Variants in XKR6 observed in about 807,000 individuals in gnomAD.
XKR6 encodes the protein XK-related protein 6.
XKR6 carries 22 observed loss-of-function variants against 56.7 expected under a neutral mutation model. The observed-to-expected ratio is 0.39, with a 90% CI of 0.28 to 0.55. The LOEUF (loss-of-function observed/expected upper bound fraction) is 0.55, where lower values mean the gene tolerates loss of function less well. Among genes scored for constraint, XKR6 ranks in the 20% least tolerant of loss-of-function variants. XKR6 has a pLI of 0.66. For missense variants in XKR6, 852 were observed against 889.0 expected, an observed-to-expected ratio of 0.96 and a Z score of 0.53; for synonymous variants, 524 against 387.8, an observed-to-expected ratio of 1.35 and a Z score of -4.13.
At chr8:11,022,476 A>G (rs1798769689) in intron 1 of XKR6, among the ~76,000 whole-genome samples, 1 of 152,226 alleles carries the variant, frequency 6.6e-6, no homozygotes, top group South Asian at 2.1e-4. Context: ...AGACCACAAA[A>G]TGACCTTATA....
chr8:10,944,199 C>T (rs745986772), intron 1 of XKR6, among the ~76,000 whole-genome samples: 14 of 152,158 alleles, frequency 9.2e-5, no homozygotes, highest in Non-Finnish European at 1.3e-4. Flanking sequence ...TGGTCTCCTT[C>T]GACCAAGAGC....
rs965426152 is a variant in XKR6 at position 11,041,408 on chromosome 8, T to C, written c.765-116578A>G. On this transcript the variant is annotated intron_variant, in intron 1 of 2. Coordinates refer to ENST00000416569, the MANE Select transcript of XKR6 (RefSeq NM_173683.4). ...CCGTCTCTACTAAAAATACAAAAACTAGCTGGGCGTGGTGGTGCGTGCTTG... is the reference window on the plus strand; with the variant it reads ...CCGTCTCTACTAAAAATACAAAAACCAGCTGGGCGTGGTGGTGCGTGCTTG... Among the ~76,000 whole-genome samples the C allele has an allele frequency of 3.3e-5, 5 of 151,964 alleles. No individual in the cohort carries two copies. The East Asian group carries it at 7.7e-4, about 24-fold the overall frequency.
At chr8:10,925,933 C>G (rs1285640443) in intron 1 of XKR6, among the ~76,000 whole-genome samples, 1 of 152,134 alleles carries the variant, frequency 6.6e-6, no homozygotes, top group Non-Finnish European at 1.5e-5. Flanking sequence ...AGGGCTCACC[C>G]AGAAGCAAGG....
At chr8:10,944,573 C>A (rs1801477786) in intron 1 of XKR6, among the ~76,000 whole-genome samples, 1 of 152,202 alleles carries the variant, frequency 6.6e-6, no homozygotes, top group African/African-American at 2.4e-5. Context: ...TCTGGCAGCT[C>A]AAAGGGCCTG....
intron 1 of XKR6, among the ~76,000 whole-genome samples, chr8:11,075,968 C>A (rs1203005048): frequency 6.6e-6 from 1 of 152,174 alleles, no homozygotes; most frequent in Admixed American, 6.5e-5. Flanking sequence ...TGGAAGCAGC[C>A]CCAGCGTCAC....
In XKR6 at chr8:11,047,455, A is replaced by G. The variant is rs569120627; in HGVS notation, c.765-122625T>C. Among the ~76,000 whole-genome samples, 16 of 152,360 alleles carry G rather than the reference A, an allele frequency of 1.1e-4. No individual in the cohort carries two copies. In the South Asian group the frequency reaches 3.3e-3, roughly 32 times the overall value. On this transcript the variant is annotated intron_variant, in intron 1 of 2. Transcript: ENST00000416569. Reference sequence around the variant, plus strand: ...CACTACTGTGTACATTTACTGCTTTAATGCAAATATAAACTACATTTCAAA... The same window carrying G: ...CACTACTGTGTACATTTACTGCTTTGATGCAAATATAAACTACATTTCAAA...
intron 1 of XKR6, among the ~76,000 whole-genome samples, chr8:11,040,177 A>G (rs1214358589): frequency 6.6e-6 from 1 of 151,828 alleles, no homozygotes; most frequent in Non-Finnish European, 1.5e-5. Flanking sequence ...ACGATGCCCT[A>G]CTTTCCACTC....
chr8:11,003,000 G>GA (rs952833663), intron 1 of XKR6, among the ~76,000 whole-genome samples: 175 of 144,224 alleles, frequency 1.2e-3, no homozygotes, highest in Non-Finnish European at 1.6e-3. Context: ...GGGGACCACT[G>GA]AAAAAAAAAA....
rs116012401 is a variant in XKR6, at chr8:11,072,113, A to C, written c.764+128463T>G. ...CCGCATCTCTAGCTAACCCTCTGGC[A>C]CCCAACAGTCAACCCACATCAGTGA... On this transcript the variant is annotated intron_variant, in intron 1 of 2. Transcript: ENST00000416569. 5.7e-3 allele frequency among the ~76,000 whole-genome samples: 870 copies of C among 152,232 alleles called. 11 individuals are homozygous for C. The highest frequency in any genetic ancestry group is 0.02 in the African/African-American group (839 of 41,494).
intron 1 of XKR6, among the ~76,000 whole-genome samples, chr8:10,963,246 G>A (rs903406744): frequency 1.3e-5 from 2 of 152,226 alleles, no homozygotes; most frequent in East Asian, 3.8e-4. Flanking sequence ...GCTCTGACTG[G>A]CTCTGCCTCA....
At chr8:10,914,823 T>C (rs1200106983) in intron 2 of XKR6, among the ~76,000 whole-genome samples, 1 of 152,218 alleles carries the variant, frequency 6.6e-6, no homozygotes, top group Non-Finnish European at 1.5e-5. Context: ...GGGTAGCCCC[T>C]GGCGTCCAGT....
intron 1 of XKR6, among the ~76,000 whole-genome samples, chr8:11,115,880 T>C (rs556293888): frequency 8.3e-4 from 126 of 152,356 alleles, no homozygotes; most frequent in African/African-American, 2.9e-3. Flanking sequence ...TAATTTTTCA[T>C]GGAGTCTAAC....
intron 1 of XKR6, among the ~76,000 whole-genome samples, chr8:11,118,442 CT>C (rs905089570): frequency 6.6e-6 from 1 of 152,132 alleles, no homozygotes; most frequent in Admixed American, 6.5e-5. Flanking sequence ...TGGTCCTGGA[CT>C]TTTTTTAGTT....
chr8:10,925,110 T>C (rs575481036), intron 1 of XKR6, among the ~76,000 whole-genome samples: 24 of 152,238 alleles, frequency 1.6e-4, no homozygotes, highest in African/African-American at 5.8e-4. Flanking sequence ...ATCTGGAAGA[T>C]GAGACTGTGG....
chr8:10,970,901 C>A (rs990981929), intron 1 of XKR6, among the ~76,000 whole-genome samples: 2 of 151,322 alleles, frequency 1.3e-5, no homozygotes, highest in Admixed American at 1.3e-4. Flanking sequence ...GATTCCAGTG[C>A]CAGGAAGAGG....
chr8:10,928,351 C>T (rs1800957512), intron 1 of XKR6, among the ~76,000 whole-genome samples: 1 of 152,240 alleles, frequency 6.6e-6, no homozygotes, highest in African/African-American at 2.4e-5. Flanking sequence ...ATTCTTCCTC[C>T]TCCTAGCTTT....
intron 1 of XKR6, among the ~76,000 whole-genome samples, chr8:11,153,595 A>G (rs1801366835): frequency 6.6e-6 from 1 of 152,194 alleles, no homozygotes; most frequent in African/African-American, 2.4e-5. Flanking sequence ...ACAAGGAATA[A>G]TTTTCTTTAA....
Position 10,898,362 on chromosome 8 carries a change from T to G in XKR6, c.1516A>C (p.Lys506Gln). 1 of 1,614,064 alleles carries G rather than the reference T, an allele frequency of 6.2e-7. No homozygotes were observed. Among genetic ancestry groups the G allele is most frequent in the South Asian group, 1.1e-5 (1 of 91,072 alleles). ...GCACAACAGGAGCTGGCAAGGATCT[T>G]AGCTCGTGGTCCTGTGGGATGCAGC... ...GVLHPTGPRA[K>Q]ILASSCCAEL... Residue 506 changes from lysine (K) to glutamine (Q), a missense_variant, in exon 3 of 3, where the codon AAG (lysine) becomes CAG (glutamine). Around this residue, in one of 4 missense-constraint regions of XKR6, gnomAD observed 197 missense variants for 190.9 expected, o/e 1.03. Coordinates refer to ENST00000416569, the MANE Select transcript of XKR6 (RefSeq NM_173683.4). The surrounding 1 kb of genome is among the most constrained non-coding windows in gnomAD (Gnocchi z 6.6).
chr8:10,976,753 GTCTCTCTCTCTCTCTC>G (rs5889354), intron 1 of XKR6, among the ~76,000 whole-genome samples: 2 of 149,306 alleles, frequency 1.3e-5, no homozygotes, highest in African/African-American at 4.9e-5. Flanking sequence ...TACCTCGCCT[GTCTCTCTCTCTCTCTC>G]TCTCTCTCTG....
Sources: allele counts gnomAD v4.1 joint callset (sites outside exome capture counted in the v4.1 genomes callset), GRCh38; gene constraint gnomAD v4.1.1; regional missense constraint gnomAD v4.1.1; non-coding constraint Gnocchi (gnomAD v3.1); transcripts MANE v1.5; gene names NCBI Gene and HGNC (gene_info 2026-07-23, HGNC 2026-07-21).